Variants in LRP1B observed in about 807,000 individuals in gnomAD.
LRP1B encodes low-density lipoprotein receptor-related protein 1B.
A neutral mutation model predicts 556.6 loss-of-function variants in LRP1B; 217 were observed. The ratio of observed to expected loss-of-function variants is 0.39; its 90% confidence interval spans 0.35 to 0.44. The LOEUF is 0.44. Among genes scored for constraint, LRP1B ranks in the 20% least tolerant of loss-of-function variants. The probability of loss-of-function intolerance (pLI) is 1.00; values close to 1 mark genes in which losing one functional copy is unlikely to be tolerated. For synonymous variants in LRP1B, 2,047 were observed against 1,865.8 expected (o/e 1.10, Z -2.50); for missense variants, 5,053 against 5,620.8 (o/e 0.90, Z 3.23).
intron 1 of LRP1B, among the ~76,000 whole-genome samples, chr2:141,860,418 T>G (rs13425706): frequency 0.099 from 15,090 of 152,208 alleles, 835 homozygotes; most frequent in South Asian, 0.18. Flanking sequence ...TTTAATTCTT[T>G]AAGCTTTCTA....
intron 7 of LRP1B, among the ~76,000 whole-genome samples, chr2:141,125,572 T>G (rs1405037298): frequency 1.3e-5 from 2 of 152,190 alleles, no homozygotes; most frequent in African/African-American, 4.8e-5. Context: ...TTCTATTTAC[T>G]TCTCCACTGA....
intron 89 of LRP1B, among the ~76,000 whole-genome samples, chr2:140,236,371 A>C (rs942525111): frequency 6.6e-6 from 1 of 150,998 alleles, no homozygotes; most frequent in African/African-American, 2.4e-5. Context: ...GTAAGTCAGA[A>C]AAATAAATAA....
rs1355734165 is a variant in LRP1B at position 140,683,349 on chromosome 2, C to G, written c.6799+16901G>C. ...GCCCAACCACCTACAAGGCAGAAAA[C>G]TCCACACACAATCTTCAGCATCATC... On this transcript the variant is annotated intron_variant, in intron 41 of 90. Transcript: ENST00000389484. 12 of 476,692 alleles carry G rather than the reference C, an allele frequency of 2.5e-5. No individual in the cohort carries two copies. In the Admixed American group the frequency reaches 3.2e-4, roughly 13 times the overall value. The allele number at this position is 476,692 out of a possible 1,614,324, so 29.5% of individuals were successfully genotyped here.
At chr2:141,506,826 A>C (rs1016733577) in intron 2 of LRP1B, among the ~76,000 whole-genome samples, 1 of 152,082 alleles carries the variant, frequency 6.6e-6, no homozygotes, top group Non-Finnish European at 1.5e-5. Flanking sequence ...TTGGGAAAAA[A>C]ATATTATAAA....
rs187038496 is a variant in LRP1B, at chr2:140,905,221, C to T, written c.3521-2056G>A. On this transcript the variant is annotated intron_variant, in intron 22 of 90. Transcript: ENST00000389484. ...TTCATCCTGCTGCCCTCACCTCCAC[C>T]GCCCCCCTCCCCAAGCCCCTGGGCC... Among the ~76,000 whole-genome samples, 336 of 152,086 alleles carry T rather than the reference C, an allele frequency of 2.2e-3. 3 individuals carry two copies. The highest frequency in any genetic ancestry group is 5.8e-3 in the African/African-American group (242 of 41,502).
intron 83 of LRP1B, among the ~76,000 whole-genome samples, chr2:140,299,612 C>T (rs1573753734): frequency 1.3e-5 from 2 of 151,960 alleles, no homozygotes; most frequent in Admixed American, 6.6e-5. Context: ...TATAGAAACA[C>T]AGTATCTTCA....
intron 1 of LRP1B, among the ~76,000 whole-genome samples, chr2:141,969,444 C>T (rs1224304193): frequency 6.6e-6 from 1 of 151,514 alleles, no homozygotes; most frequent in Admixed American, 6.6e-5. Context: ...CTCTTGTAAC[C>T]ATTATTCTAT....
intron 2 of LRP1B, among the ~76,000 whole-genome samples, chr2:141,743,170 T>C (rs1679904556): frequency 6.6e-6 from 1 of 152,166 alleles, no homozygotes; most frequent in South Asian, 2.1e-4. Flanking sequence ...TCAAATGCTG[T>C]TTCAACATTA....
At chr2:140,492,904 C>G (rs1029849944) in intron 56 of LRP1B, among the ~76,000 whole-genome samples, 2 of 152,140 alleles carry the variant, frequency 1.3e-5, no homozygotes, top group African/African-American at 4.8e-5. Context: ...TTAGAAAATT[C>G]TAAGTGCATC....
At chr2:141,057,867 ACTT>A (rs895614789) in intron 9 of LRP1B, among the ~76,000 whole-genome samples, 5 of 151,712 alleles carry the variant, frequency 3.3e-5, no homozygotes, top group Admixed American at 6.6e-5. Context: ...TTTCCATGGA[ACTT>A]CTTCTGACTC....
intron 3 of LRP1B, among the ~76,000 whole-genome samples, chr2:141,442,197 A>C (rs940759376): frequency 2.0e-5 from 3 of 152,184 alleles, no homozygotes; most frequent in Non-Finnish European, 4.4e-5. Context: ...CTCTGTAACA[A>C]GATGCTTTAA....
chr2:141,280,394 A>C (rs769050710), intron 3 of LRP1B, among the ~76,000 whole-genome samples: 8 of 152,098 alleles, frequency 5.3e-5, no homozygotes, highest in Non-Finnish European at 8.8e-5. Context: ...CTCTGCAAAT[A>C]TGATTTAACA....
intron 35 of LRP1B, among the ~76,000 whole-genome samples, chr2:140,749,386 T>C (rs1333881774): frequency 6.0e-5 from 9 of 150,234 alleles, no homozygotes; most frequent in African/African-American, 1.9e-4. Flanking sequence ...ATTTTTTTTT[T>C]ACTCTTTTGT....
At chr2:141,902,297 C>G (rs1228825853) in intron 1 of LRP1B, among the ~76,000 whole-genome samples, 5 of 151,866 alleles carry the variant, frequency 3.3e-5, no homozygotes, top group Middle Eastern at 3.4e-3. Flanking sequence ...AATTTTCCAT[C>G]TATATTCACT....
intron 2 of LRP1B, among the ~76,000 whole-genome samples, chr2:141,788,775 G>A (rs781670651): frequency 2.7e-5 from 4 of 149,006 alleles, no homozygotes; most frequent in Non-Finnish European, 3.0e-5. Context: ...ACCTATGAGC[G>A]AGAACATGCG....
intron 2 of LRP1B, among the ~76,000 whole-genome samples, chr2:141,523,589 A>G (rs1435324172): frequency 2.0e-5 from 3 of 152,190 alleles, no homozygotes; most frequent in Non-Finnish European, 4.4e-5. Context: ...CTGCACCAAG[A>G]TAAAAACCAA....
chr2:141,340,718 A>G (rs1310899536), intron 3 of LRP1B, among the ~76,000 whole-genome samples: 1 of 152,180 alleles, frequency 6.6e-6, no homozygotes, highest in Non-Finnish European at 1.5e-5. Flanking sequence ...GCTCTCTAGT[A>G]TTCATCAAGG....
intron 2 of LRP1B, among the ~76,000 whole-genome samples, chr2:141,713,792 A>C (rs1289678601): frequency 6.6e-6 from 1 of 152,160 alleles, no homozygotes; most frequent in East Asian, 1.9e-4. Flanking sequence ...TCTTTGGAAA[A>C]TATTTGTAAT....
chr2:141,633,764 T>C (rs940455946), intron 2 of LRP1B, among the ~76,000 whole-genome samples: 7 of 143,380 alleles, frequency 4.9e-5, no homozygotes, highest in African/African-American at 1.5e-4. Flanking sequence ...ATATACTTAT[T>C]TTTATGAATA....
Sources: gnomAD v4.1 joint callset for allele counts (sites outside exome capture counted in the v4.1 genomes callset) on GRCh38, gnomAD v4.1.1 for gene constraint, MANE v1.5 for transcripts, NCBI Gene and HGNC (gene_info 2026-07-23, HGNC 2026-07-21) for gene names.